The following ETNK1 variants were observed in gnomAD, a reference collection of about 807,000 sequenced individuals.
ETNK1 encodes the protein ethanolamine kinase 1, also known as putative protein product of Nbla10396.
In ETNK1, 8 loss-of-function variants were observed where a neutral mutation model predicts 45.1. The ratio of observed to expected loss-of-function variants is 0.18; its 90% confidence interval spans 0.10 to 0.32. The LOEUF (loss-of-function observed/expected upper bound fraction) is 0.32, where lower values mean the gene tolerates loss of function less well. ETNK1 is among the 10% of genes least tolerant of loss of function. ETNK1 has a pLI of 1.00. For missense variants in ETNK1, 302 were observed against 430.6 expected, an observed-to-expected ratio of 0.70 and a Z score of 2.64; for synonymous variants, 152 against 151.9, an observed-to-expected ratio of 1.00 and a Z score of -0.01.
At position 22,625,745 on chromosome 12, in the gene ETNK1, G is replaced by A. The variant is rs1953485225; in HGVS notation, c.156+159G>A. On this transcript the variant is annotated intron_variant, in intron 1 of 7. Coordinates refer to ENST00000266517, the MANE Select transcript of ETNK1 (RefSeq NM_018638.5). ...ACCCTGTATTTCCCCTCACACCTAG[G>A]AGGGTCACTCCCCCTTCCCGTCGCA... is the stretch of plus-strand genomic sequence containing the variant. The A allele has an allele frequency of 4.9e-5, 53 of 1,084,654 alleles. No individual in the cohort carries two copies. In the South Asian group the frequency reaches 7.0e-4, roughly 14 times the overall value. The allele number at this position is 1,084,654 out of a possible 1,614,324, so 67.2% of individuals were successfully genotyped here.
At chr12:22,665,100 AAG>A (rs765248218) in intron 4 of ETNK1, among the ~76,000 whole-genome samples, 8 of 152,166 alleles carry the variant, frequency 5.3e-5, no homozygotes, top group Non-Finnish European at 1.0e-4. Flanking sequence ...AGAAGTCAGA[AAG>A]AGTATAGATT....
chr12:22,649,370 T>A (rs1953845852), intron 2 of ETNK1, among the ~76,000 whole-genome samples: 1 of 152,132 alleles, frequency 6.6e-6, no homozygotes, highest in Non-Finnish European at 1.5e-5. Context: ...AGGTCTGTAA[T>A]CCATTTTGAC....
intron 6 of ETNK1, among the ~76,000 whole-genome samples, chr12:22,677,481 T>C (rs1954173183): frequency 6.6e-6 from 1 of 152,260 alleles, no homozygotes; most frequent in African/African-American, 2.4e-5. Context: ...TAGGATTGTC[T>C]TGGCTATGCA....
intron 2 of ETNK1, among the ~76,000 whole-genome samples, chr12:22,652,937 A>G (rs978835896): frequency 1.3e-5 from 2 of 152,062 alleles, no homozygotes; most frequent in East Asian, 1.9e-4. Flanking sequence ...GTTTCCCCCT[A>G]TGTTTTCTCA....
chr12:22,648,186 G>C (rs967836373), intron 2 of ETNK1, among the ~76,000 whole-genome samples: 1 of 151,770 alleles, frequency 6.6e-6, no homozygotes, highest in Non-Finnish European at 1.5e-5. Context: ...TGGTACTTTT[G>C]TTATAATACA....
rs1223360179 is a variant in ETNK1, at chr12:22,686,764, G to A, written c.*1810G>A. On this transcript the variant is annotated 3_prime_UTR_variant, in exon 8 of 8. Coordinates refer to ENST00000266517, the MANE Select transcript of ETNK1 (RefSeq NM_018638.5). Reference sequence around the variant, plus strand: ...ACTAGTAGCTTTTTATAATGTTAGTGTGAACTTGAAAAATTGTTTTTGGTG... The same window carrying A: ...ACTAGTAGCTTTTTATAATGTTAGTATGAACTTGAAAAATTGTTTTTGGTG... 6.7e-6 allele frequency: 1 copy of A among 149,518 alleles called. No homozygotes were observed. Among genetic ancestry groups the A allele is most frequent in the Non-Finnish European group, 1.5e-5 (1 of 67,244 alleles). 9.3% of individuals were successfully genotyped at this position (149,518 alleles called of 1,614,324 possible). A position where few individuals can be genotyped will look rare whatever the true frequency, so the allele number is the denominator to read the frequency against.
intron 2 of ETNK1, among the ~76,000 whole-genome samples, 156 bp from the exon 3 acceptor site, chr12:22,658,858 G>A (rs766986307): frequency 2.6e-5 from 4 of 152,162 alleles, no homozygotes. Flanking sequence ...TGACTCAGTA[G>A]GGTTCTTGCT....
chr12:22,651,232 C>G (rs946763724), intron 2 of ETNK1, among the ~76,000 whole-genome samples: 1 of 152,266 alleles, frequency 6.6e-6, no homozygotes, highest in African/African-American at 2.4e-5. Flanking sequence ...GCTGGTGGCC[C>G]CACTTTAATC....
chr12:22,656,413 C>T, intron 2 of ETNK1: 2 of 985,372 alleles, frequency 2.0e-6, no homozygotes, highest in Non-Finnish European at 2.4e-6. Context: ...TCTCAGTAAA[C>T]TTACACTGAT....
At chr12:22,639,900 C>T (rs1489935064) in intron 1 of ETNK1, among the ~76,000 whole-genome samples, 2 of 152,184 alleles carry the variant, frequency 1.3e-5, no homozygotes, top group Non-Finnish European at 2.9e-5. Context: ...GTATCCTCCA[C>T]ATTTGTCAAC....
intron 2 of ETNK1, among the ~76,000 whole-genome samples, chr12:22,658,042 T>G (rs898160917): frequency 6.6e-6 from 1 of 152,220 alleles, no homozygotes; most frequent in East Asian, 1.9e-4. Flanking sequence ...GTGTCCTGGC[T>G]GCACACCAGG....
At chr12:22,634,235 A>G (rs928808345) in intron 1 of ETNK1, among the ~76,000 whole-genome samples, 1 of 152,056 alleles carries the variant, frequency 6.6e-6, no homozygotes, top group Non-Finnish European at 1.5e-5. Flanking sequence ...ATTGAGGTGA[A>G]TTACTTTGAT....
At chr12:22,640,435 C>T (rs1215678540) in intron 1 of ETNK1, among the ~76,000 whole-genome samples, 1 of 149,860 alleles carries the variant, frequency 6.7e-6, no homozygotes, top group Non-Finnish European at 1.5e-5. Flanking sequence ...GAGAATTTGC[C>T]CAGAAATGAT....
intron 4 of ETNK1, among the ~76,000 whole-genome samples, chr12:22,665,457 T>A (rs1052761507): frequency 6.6e-6 from 1 of 152,176 alleles, no homozygotes; most frequent in African/African-American, 2.4e-5. Context: ...AGATCATGCA[T>A]ATAAAATATA....
At chr12:22,639,417 A>G (rs944862986) in intron 1 of ETNK1, among the ~76,000 whole-genome samples, 1 of 151,976 alleles carries the variant, frequency 6.6e-6, no homozygotes, top group African/African-American at 2.4e-5. Context: ...TGGCTCACAC[A>G]TGTAATCCTA....
chr12:22,651,862 T>G (rs1186018689), intron 2 of ETNK1, among the ~76,000 whole-genome samples: 1 of 151,900 alleles, frequency 6.6e-6, no homozygotes, highest in African/African-American at 2.4e-5. Context: ...AGTTTTGTAT[T>G]TTTTAGTAGA....
intron 2 of ETNK1, among the ~76,000 whole-genome samples, chr12:22,644,936 T>G (rs1206561153): frequency 6.6e-6 from 1 of 151,962 alleles, no homozygotes; most frequent in Non-Finnish European, 1.5e-5. Flanking sequence ...GTTAATACAC[T>G]GACAAAAATG....
rs763077434 is a variant in ETNK1, at chr12:22,625,216, A to G, written c.-215A>G. On this transcript the variant is annotated 5_prime_UTR_variant, in exon 1 of 8. Coordinates refer to ENST00000266517, the MANE Select transcript of ETNK1 (RefSeq NM_018638.5). ...TCCGACAACAGGAATTTTCTCCGAGAGCGGGCCGGGCTCAGTTCAGCTGCT... is the reference window on the plus strand; with the variant it reads ...TCCGACAACAGGAATTTTCTCCGAGGGCGGGCCGGGCTCAGTTCAGCTGCT... 2 of 1,610,272 alleles carry G rather than the reference A, an allele frequency of 1.2e-6. No individual in the cohort carries two copies. The highest frequency in any genetic ancestry group is 1.7e-6 in the Non-Finnish European group (2 of 1,178,274).
chr12:22,625,748 G>T, intron 1 of ETNK1, 162 bp downstream of exon 1: 1 of 1,064,474 alleles, frequency 9.4e-7, no homozygotes, highest in South Asian at 1.4e-5. Flanking sequence ...CACCTAGGAG[G>T]GTCACTCCCC....
Sources: gnomAD v4.1 joint callset for allele counts (sites outside exome capture counted in the v4.1 genomes callset) on GRCh38, gnomAD v4.1.1 for gene constraint, MANE v1.5 for transcripts, NCBI Gene and HGNC (gene_info 2026-07-23, HGNC 2026-07-21) for gene names.